SUPT3H: variants seen among roughly 807,000 people sequenced by gnomAD.
The protein encoded by SUPT3H is SPT3 homolog, SAGA and STAGA complex component, also known as transcription initiation protein SPT3 homolog.
Under a neutral mutation model 44.3 loss-of-function variants are expected in SUPT3H, and 44 were observed. The ratio of observed to expected loss-of-function variants is 0.99; its 90% CI spans 0.78 to 1.28. The LOEUF is 1.28. Ranked by LOEUF, SUPT3H falls within the 50% of genes most tolerant of loss-of-function variation. The pLI is 0.00. For missense variants in SUPT3H, 380 were observed against 387.1 expected, an observed-to-expected ratio of 0.98 and a Z score of 0.15; for synonymous variants, 124 against 125.6, an observed-to-expected ratio of 0.99 and a Z score of 0.09.
chr6:45,204,278 A>AGGAGGAGGGGGAGGGGGAGGGGGAGGGGG (rs1554284656), intron 2 of SUPT3H, among the ~76,000 whole-genome samples: 1 of 149,708 alleles, frequency 6.7e-6, no homozygotes, highest in African/African-American at 2.5e-5. Context: ...GAAGAAGAAG[A>AGGAGGAGGGGGAGGGGGAGGGGGAGGGGG]AGAACCACCT....
At chr6:44,993,695 G>T (rs1169757884) in intron 6 of SUPT3H, among the ~76,000 whole-genome samples, 1 of 151,992 alleles carries the variant, frequency 6.6e-6, no homozygotes, top group African/African-American at 2.4e-5. Flanking sequence ...CATTAATCCT[G>T]CACTGTGCAG....
At chr6:45,117,654 A>G (rs1801032711) in intron 2 of SUPT3H, among the ~76,000 whole-genome samples, 1 of 150,652 alleles carries the variant, frequency 6.6e-6, no homozygotes, top group Non-Finnish European at 1.5e-5. Context: ...TTTGTCACCA[A>G]AAACAATGGC....
chr6:45,349,634 T>C (rs1240177805), intron 2 of SUPT3H, among the ~76,000 whole-genome samples: 1 of 152,218 alleles, frequency 6.6e-6, no homozygotes. Context: ...ACTGGAAGAT[T>C]CATTTTTTTA....
At chr6:44,987,051 G>T (rs1426321718) in intron 6 of SUPT3H, among the ~76,000 whole-genome samples, 1 of 152,022 alleles carries the variant, frequency 6.6e-6, no homozygotes, top group East Asian at 1.9e-4. Flanking sequence ...CAACATCAGG[G>T]TGCCAGCACA....
intron 2 of SUPT3H, among the ~76,000 whole-genome samples, chr6:45,167,353 A>G (rs1810057162): frequency 6.6e-6 from 1 of 152,220 alleles, no homozygotes; most frequent in Non-Finnish European, 1.5e-5. Context: ...ACCTGGCTCC[A>G]CTGCTCTGAA....
intron 2 of SUPT3H, among the ~76,000 whole-genome samples, chr6:45,166,821 T>C (rs1809956423): frequency 6.6e-6 from 1 of 152,084 alleles, no homozygotes; most frequent in Non-Finnish European, 1.5e-5. Context: ...AAACAACACT[T>C]ACACACCATT....
At position 44,871,118 on chromosome 6, in the gene SUPT3H, G is replaced by C. The variant is rs10456538; in HGVS notation, c.913-41261C>G. On this transcript the variant is annotated intron_variant, in intron 10 of 10. Transcript: ENST00000371459. ...GCTTGCTTAGGTAAAAAAAGCAGCC[G>C]GGAAGCTCGAACTGGGTGGAGCCCA... Among the ~76,000 whole-genome samples, 301 of 149,238 alleles carry C rather than the reference G, an allele frequency of 2.0e-3. 1 individual carries two copies. Among genetic ancestry groups the C allele is most frequent in the African/African-American group, 6.9e-3 (280 of 40,650 alleles).
intron 9 of SUPT3H, among the ~76,000 whole-genome samples, chr6:44,936,723 A>G (rs1259085575): frequency 6.6e-6 from 1 of 152,108 alleles, no homozygotes; most frequent in Non-Finnish European, 1.5e-5. Context: ...GCTGGAGTAC[A>G]GTGGTGCGAT....
chr6:45,173,024 C>A (rs12193812), intron 2 of SUPT3H, among the ~76,000 whole-genome samples: 1 of 151,910 alleles, frequency 6.6e-6, no homozygotes, highest in Admixed American at 6.6e-5. Context: ...GAAATAAAGA[C>A]GCAAACAAAG....
intron 6 of SUPT3H, among the ~76,000 whole-genome samples, chr6:44,981,171 A>G (rs1383084070): frequency 1.3e-5 from 2 of 152,200 alleles, no homozygotes; most frequent in South Asian, 2.1e-4. Context: ...TTAGGGAGAA[A>G]TACACTACAG....
chr6:44,960,525 G>GACTTT (rs1775878150), intron 7 of SUPT3H, among the ~76,000 whole-genome samples: 1 of 151,820 alleles, frequency 6.6e-6, no homozygotes, highest in East Asian at 1.9e-4. Context: ...AGGCATATTA[G>GACTTT]GAGACTTTAA....
At chr6:45,024,001 G>C (rs1015073885) in intron 3 of SUPT3H, among the ~76,000 whole-genome samples, 10 of 152,124 alleles carry the variant, frequency 6.6e-5, no homozygotes, top group Admixed American at 6.5e-4. Context: ...TGCATTTAAT[G>C]TGAAAACAAT....
At chr6:45,123,524 C>T (rs1359974524) in intron 2 of SUPT3H, among the ~76,000 whole-genome samples, 1 of 151,642 alleles carries the variant, frequency 6.6e-6, no homozygotes, top group East Asian at 1.9e-4. Flanking sequence ...TAGCTGTGAG[C>T]CACTGCACTC....
chr6:45,207,999 T>C (rs891868929), intron 2 of SUPT3H, among the ~76,000 whole-genome samples: 2 of 152,132 alleles, frequency 1.3e-5, no homozygotes, highest in Non-Finnish European at 2.9e-5. Context: ...ATGCCGAAAG[T>C]CAACACAGTC....
At chr6:44,833,757 A>G (rs1769296228) in intron 10 of SUPT3H, among the ~76,000 whole-genome samples, 1 of 152,158 alleles carries the variant, frequency 6.6e-6, no homozygotes, top group Non-Finnish European at 1.5e-5. Flanking sequence ...ATTGTCTTAC[A>G]ATAAACAAAA....
intron 6 of SUPT3H, among the ~76,000 whole-genome samples, chr6:44,983,513 AT>A: frequency 6.6e-6 from 1 of 152,276 alleles, no homozygotes; most frequent in East Asian, 1.9e-4. Context: ...AAGAAAAAAA[AT>A]CCCCTACCAT....
intron 2 of SUPT3H, among the ~76,000 whole-genome samples, chr6:45,311,581 A>G (rs1783955598): frequency 6.6e-6 from 1 of 152,238 alleles, no homozygotes; most frequent in South Asian, 2.1e-4. Flanking sequence ...CAGGTAACCT[A>G]TAAAGGAAAA....
chr6:45,098,548 G>A, intron 3 of SUPT3H: 1 of 287,282 alleles, frequency 3.5e-6, no homozygotes, highest in Non-Finnish European at 6.8e-6. Context: ...TATAAGAGAG[G>A]AGAGGAACAT....
chr6:44,815,900 C>T (rs539002), intron 11 of SUPT3H, among the ~76,000 whole-genome samples: 3,095 of 151,894 alleles, frequency 0.02, 41 homozygotes, highest in Non-Finnish European at 0.033. Flanking sequence ...ACATATCAAC[C>T]AACTTGACCT....
Sources: gnomAD v4.1 joint callset for allele counts (sites outside exome capture counted in the v4.1 genomes callset) on GRCh38, gnomAD v4.1.1 for gene constraint, MANE v1.5 for transcripts, NCBI Gene and HGNC (gene_info 2026-07-23, HGNC 2026-07-21) for gene names.